The following CXorf66 variants were observed in gnomAD, a reference collection of about 807,000 sequenced individuals.
CXorf66 encodes chromosome X open reading frame 66.
A neutral mutation model predicts 5.0 loss-of-function variants in CXorf66; 6 were observed. The observed-to-expected ratio is 1.20, with a 90% CI of 0.65 to 2.36. The LOEUF (loss-of-function observed/expected upper bound fraction) is 2.36. CXorf66 is among the 30% of genes most tolerant of loss of function. The probability of loss-of-function intolerance (pLI) is 0.00; values close to 1 mark genes in which losing one functional copy is unlikely to be tolerated. For synonymous variants in CXorf66, 98 were observed against 102.8 expected (o/e 0.95, Z 0.28); for missense variants, 270 against 254.9 (o/e 1.06, Z -0.40).
chrX:139,956,394 A>G lies in CXorf66; in HGVS notation c.588T>C (p.Tyr196=), dbSNP rs146749052. The stretch of plus-strand genomic sequence containing the variant: ...TATCTGAACTGGCTAGCTTACACGC[A>G]TAGTCTAGCTTACATAATTTTTCTA... ...GSLEKLCKLD[Y]ACKLASSDKP... The change falls in exon 3 of 3, where the codon TAT becomes TAC. Residue 196 remains tyrosine, a synonymous_variant. Transcript: ENST00000370540. 2,355 of 1,210,329 alleles carry G rather than the reference A, an allele frequency of 1.9e-3. 3 individuals carry two copies. The highest frequency in any genetic ancestry group is 3.0e-3 in the East Asian group (103 of 33,778).
At position 139,956,227 on chromosome X, in the gene CXorf66, C is replaced by T. The variant is rs376390528; in HGVS notation, c.755G>A (p.Gly252Asp). ...AGAGTTGGATAATAAGGCTGCCCTG[C>T]CTAGACTCACTGACCTTTTTGGATT... Reference protein sequence around the residue: ...HFNPKRSVSLGRAALLSNSEL... With the variant: ...HFNPKRSVSLDRAALLSNSEL... The change falls in exon 3 of 3, where the codon GGC (glycine) becomes GAC (aspartate). Residue 252 changes from glycine to aspartate, a missense_variant. By Grantham distance (94) the Gly-to-Asp change is moderately conservative. Transcript: ENST00000370540. The T allele has an allele frequency of 9.1e-6, 11 of 1,209,912 alleles. No individual in the cohort carries two copies. Among genetic ancestry groups the T allele is most frequent in the Non-Finnish European group, 1.1e-5 (10 of 895,199 alleles).
Position 139,956,211 on chromosome X carries a change from T to C in CXorf66, c.771A>G (p.Leu257=). Reference sequence around the variant, plus strand: ...AAGTTTCAGCTAATTCAGAGTTGGATAATAAGGCTGCCCTGCCTAGACTCA... The same window carrying C: ...AAGTTTCAGCTAATTCAGAGTTGGACAATAAGGCTGCCCTGCCTAGACTCA... The part of the protein sequence containing the change: ...RSVSLGRAAL[L]SNSELAETCQ... Residue 257 remains leucine, a synonymous_variant, in exon 3 of 3, where the codon TTA becomes TTG. Transcript: ENST00000370540. 1 of 1,211,809 alleles carries C rather than the reference T, an allele frequency of 8.3e-7. No homozygotes were observed. Among genetic ancestry groups the C allele is most frequent in the Non-Finnish European group, 1.1e-6 (1 of 895,376 alleles).
chrX:139,958,000 A>T (rs1267357349), intron 2 of CXorf66, 64 bp downstream of exon 2: 1 of 1,039,774 alleles, frequency 9.6e-7, no homozygotes, highest in Non-Finnish European at 1.3e-6. Flanking sequence ...AACAACAATG[A>T]AACCTCCGCT....
intron 2 of CXorf66, among the ~76,000 whole-genome samples, 197 bp from the exon 3 acceptor site, chrX:139,956,936 T>G (rs1569496207): frequency 9.0e-6 from 1 of 111,145 alleles, no homozygotes; most frequent in Non-Finnish European, 1.9e-5. Flanking sequence ...GAGGACGAGG[T>G]GGGCAGATCA....
Position 139,956,302 on chromosome X carries a change from G to A in CXorf66, c.680C>T (p.Pro227Leu). ...YSSHPQNEIS[P>L]SKPFGPQELA... is the part of the protein sequence containing the mutation. The stretch of plus-strand genomic sequence containing the variant: ...TTCCTGTGGACCGAATGGCTTGGAT[G>A]GTGAGATTTCATTTTGTGGATGAGA... Residue 227 changes from proline (P) to leucine (L), a missense_variant, in exon 3 of 3, where the codon CCA (proline) becomes CTA (leucine). Physicochemically the swap from Pro to Leu is moderately conservative, Grantham distance 98. Coordinates refer to ENST00000370540, the MANE Select transcript of CXorf66 (RefSeq NM_001013403.3). The A allele has an allele frequency of 2.5e-6, 3 of 1,211,567 alleles. No homozygotes were observed. In the East Asian group the frequency reaches 8.9e-5, roughly 36 times the overall value.
At chrX:139,960,202 C>T (rs2085588496) in intron 1 of CXorf66, among the ~76,000 whole-genome samples, 1 of 109,369 alleles carries the variant, frequency 9.1e-6, no homozygotes. Flanking sequence ...AAATGGCTAA[C>T]TAGAATAACC....
At chrX:139,962,552 C>T (rs972598246) in intron 1 of CXorf66, among the ~76,000 whole-genome samples, 67 of 111,707 alleles carry the variant, frequency 6.0e-4, no homozygotes, top group Non-Finnish European at 2.1e-4. Flanking sequence ...AAAAGAGGGA[C>T]TCCTCCCTAA....
chrX:139,958,078 C>T lies in CXorf66; in HGVS notation c.228G>A (p.Ala76=), dbSNP rs145263873. The part of the protein sequence containing the change: ...YLHYNCLSDD[A]SKAGMVKKKG... ...GTAAAACTTACATTCCTGCTTTGGACGCATCATCGCTCAGACAATTATAAT... is the reference window on the plus strand; with the variant it reads ...GTAAAACTTACATTCCTGCTTTGGATGCATCATCGCTCAGACAATTATAAT... Residue 76 remains alanine (A), a synonymous_variant, in exon 2 of 3, where the codon GCG becomes GCA. Transcript: ENST00000370540. The T allele has an allele frequency of 3.7e-5, 44 of 1,197,604 alleles. No individual in the cohort carries two copies. The African/African-American group carries it at 4.6e-4, about 12-fold the overall frequency.
chrX:139,964,736 A>G, intron 1 of CXorf66, among the ~76,000 whole-genome samples: 1 of 111,898 alleles, frequency 8.9e-6, no homozygotes, highest in Non-Finnish European at 1.9e-5. Context: ...GCAGCCATAA[A>G]AAAGAATGAG....
chrX:139,960,472 C>G (rs996960810), intron 1 of CXorf66, among the ~76,000 whole-genome samples: 4 of 110,589 alleles, frequency 3.6e-5, no homozygotes, highest in Non-Finnish European at 7.5e-5. Context: ...CTGAAAGTGA[C>G]GGGGAGAATG....
At chrX:139,957,302 T>C (rs1233979675) in intron 2 of CXorf66, among the ~76,000 whole-genome samples, 1 of 110,589 alleles carries the variant, frequency 9.0e-6, no homozygotes, top group Non-Finnish European at 1.9e-5. Flanking sequence ...AACCATATAA[T>C]CCACATATAG....
chrX:139,956,890 T>C (rs5955141), intron 2 of CXorf66, 151 bp from the exon 3 acceptor site: 1 of 562,656 alleles, frequency 1.8e-6, no homozygotes, highest in Admixed American at 3.6e-5. Context: ...GTGACGGCTG[T>C]GTGTGGTGGT....
chrX:139,965,346 T>C, intron 1 of CXorf66, 63 bp downstream of exon 1: 1 of 795,712 alleles, frequency 1.3e-6, no homozygotes, highest in South Asian at 2.6e-5. Context: ...GCGTTTCTAA[T>C]TAAATACTTT....
At chrX:139,957,341 G>A (rs2085577757) in intron 2 of CXorf66, among the ~76,000 whole-genome samples, 1 of 108,877 alleles carries the variant, frequency 9.2e-6, no homozygotes, top group Admixed American at 9.8e-5. Context: ...CAAATCTGCT[G>A]TAAAAAGAGA....
At chrX:139,961,055 G>T (rs1243244036) in intron 1 of CXorf66, among the ~76,000 whole-genome samples, 2 of 111,653 alleles carry the variant, frequency 1.8e-5, no homozygotes, top group East Asian at 5.6e-4. Context: ...GCATCATGAT[G>T]ACAGGATCAA....
At chrX:139,963,428 G>A (rs1188766681) in intron 1 of CXorf66, among the ~76,000 whole-genome samples, 1 of 111,780 alleles carries the variant, frequency 8.9e-6, no homozygotes. Context: ...CAAACAAATG[G>A]AAAAACATTC....
chrX:139,957,803 T>C (rs1351242125), intron 2 of CXorf66, among the ~76,000 whole-genome samples: 2 of 111,958 alleles, frequency 1.8e-5, no homozygotes, highest in Admixed American at 9.6e-5. Context: ...ATGCCCTCTT[T>C]TCCTGCACTG....
At chrX:139,959,495 G>A (rs770994004) in intron 1 of CXorf66, among the ~76,000 whole-genome samples, 4 of 112,473 alleles carry the variant, frequency 3.6e-5, no homozygotes, top group East Asian at 2.8e-4. Flanking sequence ...CAGTTTCTGC[G>A]GATTTAAACA....
In CXorf66 at chrX:139,956,275, A is replaced by G. The variant is rs866491736; in HGVS notation, c.707T>C (p.Leu236Ser). 1.7e-6 allele frequency: 2 copies of G among 1,210,093 alleles called. No homozygotes were observed. The highest frequency in any genetic ancestry group is 1.7e-5 in the African/African-American group (1 of 57,162). ...ATTAAAATGTTTGGGAGGCTTAGCC[A>G]ATTCCTGTGGACCGAATGGCTTGGA... ...SPSKPFGPQE[L>S]AKPPKHFNPK... is the part of the protein sequence containing the mutation. The change falls in exon 3 of 3, where the codon TTG (leucine) becomes TCG (serine). Residue 236 changes from leucine to serine, a missense_variant. Physicochemically the swap from Leu to Ser is moderately radical, Grantham distance 145. Transcript: ENST00000370540.
Sources: allele counts gnomAD v4.1 joint callset (sites outside exome capture counted in the v4.1 genomes callset), GRCh38; gene constraint gnomAD v4.1.1; transcripts MANE v1.5; gene names NCBI Gene and HGNC (gene_info 2026-07-23, HGNC 2026-07-21).